The following SPRR4 variants were observed in gnomAD, a reference collection of about 807,000 sequenced individuals.
SPRR4 encodes the protein small proline rich protein 4.
For synonymous variants in SPRR4, 30 were observed against 34.3 expected, an observed-to-expected ratio of 0.87 and a Z score of 0.44; for missense variants, 106 against 91.6, an observed-to-expected ratio of 1.16 and a Z score of -0.64.
upstream of SPRR4, among the ~76,000 whole-genome samples, chr1:152,969,380 G>A (rs1371713922): frequency 2.0e-5 from 3 of 152,230 alleles, no homozygotes; most frequent in Admixed American, 6.5e-5. Flanking sequence ...AAATTGTCAT[G>A]AGGATTAAAT....
rs769502247 is a variant in SPRR4, at chr1:152,971,856, C to A, written c.-20-15C>A. On this transcript the variant is annotated splice_polypyrimidine_tract_variant and intron_variant, in intron 1 of 1. Transcript: ENST00000328051. ...TAACACCCTTCTCATGGTGTCCCTG[C>A]CCGGTTTCCTTTAGGCTCACCTGTT... 9.9e-6 allele frequency: 16 copies of A among 1,611,806 alleles called. No homozygotes were observed. The South Asian group carries it at 1.8e-4, about 18-fold the overall frequency.
At chr1:152,971,356 T>C (rs2101549879) in intron 1 of SPRR4, among the ~76,000 whole-genome samples, 1 of 152,216 alleles carries the variant, frequency 6.6e-6, no homozygotes, top group South Asian at 2.1e-4. Context: ...GTCTGAGCCT[T>C]CTTGGCTAGC....
chr1:152,970,743 T>TCTCCTTTAA (rs1651819690), intron 1 of SPRR4, 49 bp downstream of exon 1: 1 of 152,232 alleles, frequency 6.6e-6, no homozygotes, highest in Non-Finnish European at 1.5e-5. Flanking sequence ...GCGCTTTCCT[T>TCTCCTTTAA]CTCCTTTAAC....
upstream of SPRR4, among the ~76,000 whole-genome samples, chr1:152,969,618 A>G (rs929479119): frequency 3.3e-5 from 5 of 152,166 alleles, no homozygotes; most frequent in African/African-American, 1.2e-4. Context: ...ATGGAGGACC[A>G]GGGCTCCTTC....
At position 152,970,712 on chromosome 1, in the gene SPRR4, T is replaced by G. The variant is rs1481215905; in HGVS notation, c.-21+18T>G. 1.3e-5 allele frequency: 2 copies of G among 152,286 alleles called. No individual in the cohort carries two copies. Among genetic ancestry groups the G allele is most frequent in the Non-Finnish European group, 2.9e-5 (2 of 68,122 alleles). The allele number at this position is 152,286 out of a possible 1,614,324, so 9.4% of individuals were successfully genotyped here. A position where few individuals can be genotyped will look rare whatever the true frequency, so the allele number is the denominator to read the frequency against. The stretch of plus-strand genomic sequence containing the variant: ...CGCCTCTGGTAAGTGAGAACTCATC[T>G]GTTCTCCTGGGATTTGTGGGGCGCT... On this transcript the variant is annotated intron_variant, in intron 1 of 1. Transcript: ENST00000328051.
At chr1:152,970,165 A>T (rs1651788335), upstream of SPRR4, among the ~76,000 whole-genome samples, 1 of 152,132 alleles carries the variant, frequency 6.6e-6, no homozygotes, top group Non-Finnish European at 1.5e-5. Context: ...TAACAACGAC[A>T]CTTTCCCTAG....
chr1:152,970,581 A>T (rs1428140280), upstream of SPRR4: 1 of 152,272 alleles, frequency 6.6e-6, no homozygotes, highest in Non-Finnish European at 1.5e-5. Flanking sequence ...GGTGGTAATC[A>T]GGACCACACC....
chr1:152,972,075 C>T lies in SPRR4; in HGVS notation c.185C>T (p.Pro62Leu), dbSNP rs762087398. The change falls in exon 2 of 2, where the codon CCA (proline) becomes CTA (leucine). Residue 62 changes from proline to leucine, a missense_variant. Transcript: ENST00000328051. ...KQCPPKGTII[P>L]AQQKCPSAQQ... ...TGCCCACCGAAAGGCACCATCATTC[C>T]AGCCCAGCAGAAGTGTCCCTCAGCC... 10 of 1,614,108 alleles carry T rather than the reference C, an allele frequency of 6.2e-6. No individual in the cohort carries two copies. The South Asian group carries it at 1.1e-4, about 18-fold the overall frequency.
Position 152,972,256 on chromosome 1 carries a change from T to A in SPRR4, c.*126T>A. On this transcript the variant is annotated 3_prime_UTR_variant, in exon 2 of 2. Transcript: ENST00000328051. ...CTCACATCTCCTCCTGCCCAAGATG[T>A]AAGGAAGCATTGTAAGGATTTCTTC... is the stretch of plus-strand genomic sequence containing the variant. 1 of 1,421,946 alleles carries A rather than the reference T, an allele frequency of 7.0e-7. No individual in the cohort carries two copies. The highest frequency in any genetic ancestry group is 9.5e-7 in the Non-Finnish European group (1 of 1,052,920). The allele number at this position is 1,421,946 out of a possible 1,614,324, so 88.1% of individuals were successfully genotyped here.
chr1:152,971,208 A>C (rs1328759285), intron 1 of SPRR4, among the ~76,000 whole-genome samples: 1 of 152,136 alleles, frequency 6.6e-6, no homozygotes, highest in African/African-American at 2.4e-5. Context: ...CACTGCCTAC[A>C]AAGATAGCCA....
chr1:152,969,701 T>C (rs61813181), upstream of SPRR4, among the ~76,000 whole-genome samples: 50,023 of 152,208 alleles, frequency 0.33, 10,566 homozygotes, highest in Non-Finnish European at 0.49. Flanking sequence ...CCAGTGAAAT[T>C]TGAATTTCAT....
At position 152,971,802 on chromosome 1, in the gene SPRR4, TTTAAAAAGGGTG is replaced by T. The variant is rs1049248911; in HGVS notation, c.-20-62_-20-51del. ...GTCTGGGCTACTTTTTAACCATCTTTTTAAAAAGGGTGTTAAAAGGCTACTTTTTAACACCCT... is the reference window on the plus strand; with the variant it reads ...GTCTGGGCTACTTTTTAACCATCTTTTTAAAAGGCTACTTTTTAACACCCT... On this transcript the variant is annotated intron_variant, in intron 1 of 1. Coordinates refer to ENST00000328051, the MANE Select transcript of SPRR4 (RefSeq NM_173080.3). 10 of 1,548,186 alleles carry T rather than the reference TTTAAAAAGGGTG, an allele frequency of 6.5e-6. No individual in the cohort carries two copies. In the African/African-American group the frequency reaches 1.2e-4, roughly 19 times the overall value.
chr1:152,971,608 ACAC>A (rs1651848350), intron 1 of SPRR4, among the ~76,000 whole-genome samples: 1 of 149,366 alleles, frequency 6.7e-6, no homozygotes, highest in Non-Finnish European at 1.5e-5. Flanking sequence ...ACACACACAC[ACAC>A]ACTCACACAC....
At chr1:152,968,845 T>C (rs911807148), upstream of SPRR4, among the ~76,000 whole-genome samples, 1 of 152,240 alleles carries the variant, frequency 6.6e-6, no homozygotes, top group African/African-American at 2.4e-5. Flanking sequence ...AATACACACA[T>C]ACCAGTGCCT....
chr1:152,972,487 C>T lies in SPRR4; in HGVS notation c.*357C>T. On this transcript the variant is annotated 3_prime_UTR_variant, in exon 2 of 2. Transcript: ENST00000328051. ...AAGTAGGGTCACAGAGGCTGGTGCA[C>T]AGTTTCTGCCTCATTCCTCTCCATG... is the stretch of plus-strand genomic sequence containing the variant. 1 of 288,946 alleles carries T rather than the reference C, an allele frequency of 3.5e-6. No individual in the cohort carries two copies. The highest frequency in any genetic ancestry group is 7.0e-6 in the Non-Finnish European group (1 of 143,336). 17.9% of individuals were successfully genotyped at this position (288,946 alleles called of 1,614,324 possible). A position where few individuals can be genotyped will look rare whatever the true frequency, so the allele number is the denominator to read the frequency against.
upstream of SPRR4, among the ~76,000 whole-genome samples, chr1:152,968,999 GTTC>G (rs1651756815): frequency 6.6e-6 from 1 of 152,214 alleles, no homozygotes; most frequent in South Asian, 2.1e-4. Context: ...TGGAGATGGT[GTTC>G]TTCTTGGAGG....
At chr1:152,970,895 A>T (rs1321960370) in intron 1 of SPRR4, among the ~76,000 whole-genome samples, 1 of 152,104 alleles carries the variant, frequency 6.6e-6, no homozygotes, top group East Asian at 1.9e-4. Flanking sequence ...GCTCAGTATG[A>T]CTTATTTTCT....
Position 152,972,206 on chromosome 1 carries a change from C to G in SPRR4, c.*76C>G. 6.3e-7 allele frequency: 1 copy of G among 1,582,072 alleles called. No homozygotes were observed. The highest frequency in any genetic ancestry group is 2.3e-5 in the East Asian group (1 of 43,814). On this transcript the variant is annotated 3_prime_UTR_variant, in exon 2 of 2. Transcript: ENST00000328051. ...CTTCTCTTCTTCCTTCTCCTCTTCCCTCCAGCTCTTGAGCCTACCCTCCTC... is the reference window on the plus strand; with the variant it reads ...CTTCTCTTCTTCCTTCTCCTCTTCCGTCCAGCTCTTGAGCCTACCCTCCTC...
At chr1:152,970,949 A>G (rs373285685) in intron 1 of SPRR4, among the ~76,000 whole-genome samples, 15 of 152,232 alleles carry the variant, frequency 9.9e-5, no homozygotes, top group African/African-American at 3.6e-4. Flanking sequence ...TTATTGTTGA[A>G]GAAGGAGATA....
Sources: allele counts gnomAD v4.1 joint callset (sites outside exome capture counted in the v4.1 genomes callset), GRCh38; gene constraint gnomAD v4.1.1; transcripts MANE v1.5; gene names NCBI Gene and HGNC (gene_info 2026-07-23, HGNC 2026-07-21).